Variants in YEATS4 observed in about 807,000 individuals in gnomAD.
YEATS4 encodes the protein YEATS domain containing 4.
Under a neutral mutation model 30.1 loss-of-function variants are expected in YEATS4, and 17 were observed. That is an observed-to-expected ratio of 0.56 (90% confidence interval 0.39 to 0.85). The LOEUF (loss-of-function observed/expected upper bound fraction) is 0.85. Among genes scored for constraint, YEATS4 ranks in the 40% least tolerant of loss-of-function variants. The pLI is 0.00. For missense variants in YEATS4, 142 were observed against 268.3 expected (o/e 0.53, Z 3.29); for synonymous variants, 85 against 87.5 (o/e 0.97, Z 0.16).
the YEATS4 span, among the ~76,000 whole-genome samples, chr12:69,408,090 G>A: frequency 6.6e-6 from 1 of 152,146 alleles, no homozygotes; most frequent in South Asian, 2.1e-4. Context: ...GGGGTGGTGG[G>A]CTGAATCGGA....
downstream of YEATS4, among the ~76,000 whole-genome samples, chr12:69,391,439 T>C (rs1868314624): frequency 6.6e-6 from 1 of 152,230 alleles, no homozygotes; most frequent in South Asian, 2.1e-4. Flanking sequence ...TTTAGACTCA[T>C]CTACTTTTAA....
intron 6 of YEATS4, among the ~76,000 whole-genome samples, chr12:69,381,076 G>A (rs1876055849): frequency 6.6e-6 from 1 of 152,176 alleles, no homozygotes; most frequent in Admixed American, 6.5e-5. Context: ...CAGGGTTTGA[G>A]AGCAGGCAAC....
chr12:69,406,361 T>C, the YEATS4 span, among the ~76,000 whole-genome samples: 4 of 152,324 alleles, frequency 2.6e-5, no homozygotes, highest in African/African-American at 7.2e-5. Flanking sequence ...AAAGTCTCAC[T>C]ATGTGGCTCA....
chr12:69,365,910 A>T, intron 4 of YEATS4, 26 bp downstream of exon 4: 8 of 1,473,470 alleles, frequency 5.4e-6, no homozygotes, highest in Non-Finnish European at 7.4e-6. Context: ...CTTTGTAAAT[A>T]TAAAATAGAT....
the YEATS4 span, among the ~76,000 whole-genome samples, chr12:69,402,725 CT>C: frequency 0.38 from 43,109 of 112,442 alleles, 5,656 homozygotes; most frequent in Non-Finnish European, 0.4. Context: ...TCTTTCTTTT[CT>C]TTTTTTTTTT....
chr12:69,406,615 C>T, the YEATS4 span, among the ~76,000 whole-genome samples: 877 of 152,020 alleles, frequency 5.8e-3, 11 homozygotes, highest in African/African-American at 0.019. Context: ...ACTTATTGTT[C>T]ATCTGCATTT....
intron 6 of YEATS4, among the ~76,000 whole-genome samples, chr12:69,373,319 G>A (rs552457763): frequency 2.0e-5 from 3 of 152,042 alleles, no homozygotes; most frequent in East Asian, 1.9e-4. Context: ...CTGTCTTTTC[G>A]ATAACAGCCA....
At chr12:69,364,440 T>C (rs964649720) in intron 2 of YEATS4, 1 of 168,822 alleles carries the variant, frequency 5.9e-6, no homozygotes, top group Non-Finnish European at 1.3e-5. Context: ...TTGCTTTGCA[T>C]TTTTTTATTC....
chr12:69,373,516 T>G (rs1875727488), intron 6 of YEATS4, among the ~76,000 whole-genome samples: 1 of 152,230 alleles, frequency 6.6e-6, no homozygotes, highest in South Asian at 2.1e-4. Flanking sequence ...TCCTTATATA[T>G]TCTGATTATT....
chr12:69,416,307 A>G, the YEATS4 span, among the ~76,000 whole-genome samples: 1 of 152,242 alleles, frequency 6.6e-6, no homozygotes, highest in Non-Finnish European at 1.5e-5. Flanking sequence ...TTAATTTGTT[A>G]TCTAGCAACA....
chr12:69,380,845 A>G lies in YEATS4; in HGVS notation c.515-9302A>G, dbSNP rs563946812. On this transcript the variant is annotated intron_variant, in intron 6 of 6. Transcript: ENST00000247843. The stretch of plus-strand genomic sequence containing the variant: ...ACATCACATGTCGGCAGGTTCCATG[A>G]TGCCCCACAAGCCACAAAACCAGCA... Among the ~76,000 whole-genome samples the G allele has an allele frequency of 4.9e-4, 74 of 152,282 alleles. 1 individual carries two copies. Among genetic ancestry groups the G allele is most frequent in the African/African-American group, 1.8e-3 (73 of 41,548 alleles).
the YEATS4 span, among the ~76,000 whole-genome samples, chr12:69,399,727 A>T: frequency 6.6e-6 from 1 of 152,254 alleles, no homozygotes; most frequent in Non-Finnish European, 1.5e-5. Flanking sequence ...CTAAAATTGG[A>T]AACAATCCCC....
the YEATS4 span, among the ~76,000 whole-genome samples, chr12:69,423,606 G>A: frequency 2.0e-5 from 3 of 152,146 alleles, no homozygotes; most frequent in African/African-American, 4.8e-5. Context: ...ATTAGGAGGG[G>A]GTGAAGTTGA....
At chr12:69,402,359 GGTT>G in the YEATS4 span, among the ~76,000 whole-genome samples, 1 of 152,148 alleles carries the variant, frequency 6.6e-6, no homozygotes, top group African/African-American at 2.4e-5. Context: ...ATTATGCTAG[GGTT>G]GTTCCTATAC....
chr12:69,370,950 A>G lies in YEATS4; in HGVS notation c.489A>G (p.Leu163=), dbSNP rs766405808. The change falls in exon 6 of 7, where the codon TTA becomes TTG. Residue 163 remains leucine, a synonymous_variant. Coordinates refer to ENST00000247843, the MANE Select transcript of YEATS4 (RefSeq NM_006530.4). ...QLLTTSRQLT[L]GAYKHETEFA... is the part of the protein sequence containing the mutation. ...TGACAACATCTCGTCAGCTAACATT[A>G]GGAGCCTATAAGCATGAAACAGAAT... The G allele has an allele frequency of 6.2e-7, 1 of 1,612,828 alleles. No individual in the cohort carries two copies. Among genetic ancestry groups the G allele is most frequent in the Admixed American group, 1.7e-5 (1 of 59,906 alleles).
In YEATS4 at chr12:69,362,013, G is replaced by GTTTTTT. The variant is rs533225716; in HGVS notation, c.52-759_52-754dup. 1.7e-3 allele frequency among the ~76,000 whole-genome samples: 114 copies of GTTTTTT among 68,962 alleles called. 2 individuals carry two copies. The highest frequency in any genetic ancestry group is 3.6e-3 in the African/African-American group (73 of 20,082). 45.2% of individuals were successfully genotyped at this position (68,962 alleles called of 152,430 possible). A position where few individuals can be genotyped will look rare whatever the true frequency, so the allele number is the denominator to read the frequency against. ...TTTTTAAATTGTAGGGTGTTTGGTT[G>GTTTTTT]TTTTTTTTTTTTTTTTTTTTTGGAG... On this transcript the variant is annotated intron_variant, in intron 1 of 6. Coordinates refer to ENST00000247843, the MANE Select transcript of YEATS4 (RefSeq NM_006530.4).
At chr12:69,407,583 G>A in the YEATS4 span, among the ~76,000 whole-genome samples, 1 of 151,934 alleles carries the variant, frequency 6.6e-6, no homozygotes, top group African/African-American at 2.4e-5. Flanking sequence ...GACTTGTGAA[G>A]GGCCCAGAAA....
the YEATS4 span, among the ~76,000 whole-genome samples, chr12:69,419,774 T>C: frequency 6.6e-6 from 1 of 152,188 alleles, no homozygotes; most frequent in Non-Finnish European, 1.5e-5. Context: ...TGGGCATAAA[T>C]ACAATGCAAG....
chr12:69,396,920 T>C, the YEATS4 span, among the ~76,000 whole-genome samples: 1 of 152,134 alleles, frequency 6.6e-6, no homozygotes, highest in African/African-American at 2.4e-5. Context: ...CTACTGCGAG[T>C]TTATAGTTAG....
Sources: gnomAD v4.1 joint callset for allele counts (sites outside exome capture counted in the v4.1 genomes callset) on GRCh38, gnomAD v4.1.1 for gene constraint, MANE v1.5 for transcripts, NCBI Gene and HGNC (gene_info 2026-07-23, HGNC 2026-07-21) for gene names.